The following ZNF385B variants were observed in gnomAD, a reference collection of about 807,000 sequenced individuals.
The protein encoded by ZNF385B is zinc finger protein 385B.
ZNF385B carries 23 observed loss-of-function variants against 39.2 expected under a neutral mutation model. That is an observed-to-expected ratio of 0.59 (90% confidence interval 0.42 to 0.83). The LOEUF is 0.83. Ranked by LOEUF, ZNF385B falls within the 40% of genes least tolerant of loss-of-function variation. ZNF385B has a pLI of 0.00. For missense variants in ZNF385B, 552 were observed against 598.9 expected (o/e 0.92, Z 0.82); for synonymous variants, 205 against 222.6 (o/e 0.92, Z 0.70).
intron 3 of ZNF385B, among the ~76,000 whole-genome samples, chr2:179,619,876 G>A (rs1172252996): frequency 6.6e-6 from 1 of 152,170 alleles, no homozygotes; most frequent in African/African-American, 2.4e-5. Context: ...CACAATGTGA[G>A]TAATGTGGCA....
intron 3 of ZNF385B, among the ~76,000 whole-genome samples, chr2:179,709,096 C>A (rs1699819244): frequency 6.6e-6 from 1 of 152,176 alleles, no homozygotes; most frequent in African/African-American, 2.4e-5. Flanking sequence ...TTTGCATTCA[C>A]CTGGGAAGGA....
At chr2:179,739,593 C>T (rs1018682597) in intron 3 of ZNF385B, among the ~76,000 whole-genome samples, 1 of 152,130 alleles carries the variant, frequency 6.6e-6, no homozygotes, top group Non-Finnish European at 1.5e-5. Flanking sequence ...ACAGCTTAGA[C>T]GGAGTTTAGC....
At chr2:179,478,136 C>T (rs1046544296) in intron 6 of ZNF385B, among the ~76,000 whole-genome samples, 3 of 152,224 alleles carry the variant, frequency 2.0e-5, no homozygotes, top group Non-Finnish European at 4.4e-5. Flanking sequence ...TGCAACCTGA[C>T]ATAAACCACC....
chr2:179,735,126 C>T (rs1398468370), intron 3 of ZNF385B, among the ~76,000 whole-genome samples: 6 of 152,060 alleles, frequency 3.9e-5, no homozygotes, highest in African/African-American at 7.2e-5. Context: ...TTTCGCAACC[C>T]ACTCATCTGA....
intron 1 of ZNF385B, among the ~76,000 whole-genome samples, chr2:179,805,996 T>A: frequency 6.6e-6 from 1 of 152,320 alleles, no homozygotes; most frequent in South Asian, 2.1e-4. Flanking sequence ...GTATCTTTAA[T>A]AGCTTGGCTT....
At chr2:179,458,850 C>A (rs554741409) in intron 6 of ZNF385B, among the ~76,000 whole-genome samples, 1 of 152,288 alleles carries the variant, frequency 6.6e-6, no homozygotes, top group South Asian at 2.1e-4. Context: ...TGTATTTAAG[C>A]CTGAATTCAA....
chr2:179,827,782 T>C (rs933467329), intron 1 of ZNF385B, among the ~76,000 whole-genome samples: 2 of 152,156 alleles, frequency 1.3e-5, no homozygotes, highest in Non-Finnish European at 2.9e-5. Context: ...AACCTATGAA[T>C]TGTCACGACG....
intron 3 of ZNF385B, among the ~76,000 whole-genome samples, chr2:179,583,128 C>G (rs1188065192): frequency 2.0e-5 from 3 of 152,114 alleles, no homozygotes; most frequent in African/African-American, 7.2e-5. Context: ...GAGGCATGAC[C>G]TTCTTCACCC....
At chr2:179,610,965 A>G (rs535871837) in intron 3 of ZNF385B, among the ~76,000 whole-genome samples, 2 of 152,272 alleles carry the variant, frequency 1.3e-5, no homozygotes, top group African/African-American at 2.4e-5. Flanking sequence ...TTTTCCAAGT[A>G]TAAGATTATA....
intron 1 of ZNF385B, among the ~76,000 whole-genome samples, chr2:179,856,444 C>A (rs746671137): frequency 2.0e-5 from 3 of 151,954 alleles, no homozygotes; most frequent in African/African-American, 2.4e-5. Context: ...GATACAGGAG[C>A]CCAGAAAAGA....
chr2:179,472,216 G>C, intron 6 of ZNF385B, among the ~76,000 whole-genome samples: 1 of 152,160 alleles, frequency 6.6e-6, no homozygotes, highest in Non-Finnish European at 1.5e-5. Flanking sequence ...ATTTTTCAAA[G>C]TACTTACAAA....
chr2:179,529,076 C>T (rs868457498), intron 4 of ZNF385B, among the ~76,000 whole-genome samples: 2 of 152,176 alleles, frequency 1.3e-5, no homozygotes, highest in South Asian at 2.1e-4. Flanking sequence ...ATGTTTTTGG[C>T]GTTGATGTTC....
In ZNF385B at chr2:179,446,618, C is replaced by T. The variant is rs2049508605; in HGVS notation, c.868G>A (p.Glu290Lys). Residue 290 changes from glutamate to lysine, a missense_variant, in exon 7 of 10, where the codon GAA becomes AAA. Coordinates refer to ENST00000410066, the MANE Select transcript of ZNF385B (RefSeq NM_152520.6). Reference sequence around the variant, plus strand: ...TTTTTGGCTTTTTCTTCTTCTGATTCAACAACAGTACCGGGAGCTCCATTT... The same window carrying T: ...TTTTTGGCTTTTTCTTCTTCTGATTTAACAACAGTACCGGGAGCTCCATTT... Reference protein sequence around the residue: ...STNGAPGTVVESEEEKAKKLL... With the variant: ...STNGAPGTVVKSEEEKAKKLL... 1 of 1,614,028 alleles carries T rather than the reference C, an allele frequency of 6.2e-7. No individual in the cohort carries two copies. The highest frequency in any genetic ancestry group is 1.3e-5 in the African/African-American group (1 of 75,018).
At chr2:179,578,772 G>A (rs1686149551) in intron 3 of ZNF385B, among the ~76,000 whole-genome samples, 1 of 152,046 alleles carries the variant, frequency 6.6e-6, no homozygotes, top group Admixed American at 6.6e-5. Context: ...AGCTGATCAC[G>A]AATCAGAGGT....
At chr2:179,733,782 CAAAA>C (rs11400555) in intron 3 of ZNF385B, among the ~76,000 whole-genome samples, 1 of 103,488 alleles carries the variant, frequency 9.7e-6, no homozygotes, top group East Asian at 2.6e-4. Context: ...GACTCCGTCT[CAAAA>C]AAAAAAAAAA....
chr2:179,601,156 C>T (rs911422069), intron 3 of ZNF385B, among the ~76,000 whole-genome samples: 6 of 152,014 alleles, frequency 3.9e-5, no homozygotes, highest in African/African-American at 1.4e-4. Flanking sequence ...GAAATATATA[C>T]ATTAGAGACC....
intron 3 of ZNF385B, among the ~76,000 whole-genome samples, chr2:179,624,404 C>A (rs1424671237): frequency 6.6e-6 from 1 of 152,168 alleles, no homozygotes; most frequent in African/African-American, 2.4e-5. Context: ...AGACATTTCA[C>A]AAATACCTAA....
chr2:179,449,882 T>C (rs1345306374), intron 6 of ZNF385B, among the ~76,000 whole-genome samples: 1 of 151,740 alleles, frequency 6.6e-6, no homozygotes. Flanking sequence ...CAAAACAGCA[T>C]GGTACTGGTA....
chr2:179,516,420 G>T (rs1330887902), intron 5 of ZNF385B, among the ~76,000 whole-genome samples: 4 of 152,032 alleles, frequency 2.6e-5, no homozygotes, highest in Non-Finnish European at 4.4e-5. Flanking sequence ...GAGAGGTCCA[G>T]TTGCTCCTCA....
Sources: allele counts gnomAD v4.1 joint callset (sites outside exome capture counted in the v4.1 genomes callset), GRCh38; gene constraint gnomAD v4.1.1; transcripts MANE v1.5; gene names NCBI Gene and HGNC (gene_info 2026-07-23, HGNC 2026-07-21).